The following ATP13A5 variants were observed in gnomAD, a reference collection of about 807,000 sequenced individuals.
ATP13A5 encodes the protein ATPase 13A5, also known as probable cation-transporting ATPase 13A5.
In ATP13A5, 149 loss-of-function variants were observed where a neutral mutation model predicts 150.2. The observed-to-expected ratio is 0.99, with a 90% CI of 0.87 to 1.14. The LOEUF (loss-of-function observed/expected upper bound fraction) is 1.14, where lower values mean the gene tolerates loss of function less well. ATP13A5 is among the 50% of genes most tolerant of loss of function. ATP13A5 has a pLI of 0.00. For synonymous variants in ATP13A5, 497 were observed against 522.2 expected, an observed-to-expected ratio of 0.95 and a Z score of 0.66; for missense variants, 1,383 against 1,449.3, an observed-to-expected ratio of 0.95 and a Z score of 0.74.
At position 193,319,032 on chromosome 3, in the gene ATP13A5, G is replaced by A. The variant is rs1319341152; in HGVS notation, c.1992C>T (p.Thr664=). The A allele has an allele frequency of 6.2e-7, 1 of 1,613,914 alleles. No individual in the cohort carries two copies. Among genetic ancestry groups the A allele is most frequent in the African/African-American group, 1.3e-5 (1 of 75,032 alleles). ...CTTCTGAAAGATTCCCCATCTTTAA[G>A]GTTTTGTGGGCAAGAGCAATGACAC... ...GFRVIALAHK[T]LKMGNLSEVE... Residue 664 remains threonine, a synonymous_variant, in exon 17 of 30, where the codon ACC becomes ACT. Transcript: ENST00000342358.
chr3:193,373,775 A>C (rs1713536416), intron 1 of ATP13A5, among the ~76,000 whole-genome samples: 1 of 152,190 alleles, frequency 6.6e-6, no homozygotes, highest in African/African-American at 2.4e-5. Flanking sequence ...CATGATTAGC[A>C]GCTGAGCCTA....
intron 28 of ATP13A5, chr3:193,277,564 C>T (rs768864503): frequency 3.3e-5 from 5 of 152,214 alleles, no homozygotes; most frequent in African/African-American, 7.2e-5. Context: ...TATCTAAATG[C>T]TTATCCCTAA....
chr3:193,303,082 T>C (rs993358939), intron 23 of ATP13A5, among the ~76,000 whole-genome samples: 2 of 152,210 alleles, frequency 1.3e-5, no homozygotes, highest in Non-Finnish European at 1.5e-5. Flanking sequence ...CACTTTGCAC[T>C]GTTATCCAGG....
chr3:193,351,256 A>C, intron 6 of ATP13A5, 55 bp from the exon 7 acceptor site: 1 of 1,588,662 alleles, frequency 6.3e-7, no homozygotes, highest in East Asian at 2.2e-5. Context: ...GTAGCAATCA[A>C]GAAGATGTCA....
In ATP13A5 at chr3:193,364,253, C is replaced by G. The variant is rs1335554687; in HGVS notation, c.91G>C (p.Val31Leu). 4 of 1,613,770 alleles carry G rather than the reference C, an allele frequency of 2.5e-6. No homozygotes were observed. Among genetic ancestry groups the G allele is most frequent in the Non-Finnish European group, 3.4e-6 (4 of 1,179,824 alleles). ...GCGACAAGGCAGAAGGCTTTCCGTACATTGTGGTCCCGGTAACCAAACACC... is the reference window on the plus strand; with the variant it reads ...GCGACAAGGCAGAAGGCTTTCCGTAGATTGTGGTCCCGGTAACCAAACACC... The part of the protein sequence containing the change: ...LEVFGYRDHN[V>L]RKAFCLVASV... The change falls in exon 2 of 30, where the codon GTA becomes CTA. Residue 31 changes from valine to leucine, a missense_variant. Val to Leu is a conservative substitution (Grantham distance 32). Around this residue, in one of 3 missense-constraint regions of ATP13A5, gnomAD observed 787 missense variants for 771.9 expected, o/e 1.02. Transcript: ENST00000342358.
intron 25 of ATP13A5, among the ~76,000 whole-genome samples, chr3:193,298,488 A>G (rs1718262765): frequency 6.6e-6 from 1 of 152,080 alleles, no homozygotes; most frequent in East Asian, 1.9e-4. Context: ...ACATTGCCTG[A>G]TGTTTTATCT....
rs140046268 is a variant in ATP13A5 at position 193,327,654 on chromosome 3, A to T, written c.1462-597T>A. 6.1e-3 allele frequency among the ~76,000 whole-genome samples: 932 copies of T among 152,344 alleles called. 10 individuals carry two copies. The highest frequency in any genetic ancestry group is 0.021 in the African/African-American group (880 of 41,562). On this transcript the variant is annotated intron_variant, in intron 12 of 29. Coordinates refer to ENST00000342358, the MANE Select transcript of ATP13A5 (RefSeq NM_198505.4). ...TTAGATCAAGGGAAAAATAGTTCAG[A>T]GATTTGATTCGCCATACTATGGGAG... is the stretch of plus-strand genomic sequence containing the variant.
intron 28 of ATP13A5, among the ~76,000 whole-genome samples, chr3:193,277,950 C>T (rs1484420201): frequency 6.6e-6 from 1 of 152,140 alleles, no homozygotes; most frequent in African/African-American, 2.4e-5. Flanking sequence ...AATACAGGCA[C>T]CTGCCACGAC....
intron 21 of ATP13A5, among the ~76,000 whole-genome samples, chr3:193,309,740 G>A (rs534032382): frequency 5.2e-4 from 79 of 152,276 alleles, no homozygotes; most frequent in Non-Finnish European, 2.8e-4. Context: ...GCTTCTGTCC[G>A]CTAGCCAGTG....
Position 193,343,966 on chromosome 3 carries a change from T to C in ATP13A5, c.904A>G (p.Ile302Val), listed in dbSNP as rs1560142644. The change falls in exon 9 of 30, where the codon ATT (isoleucine) becomes GTT (valine). Residue 302 changes from isoleucine to valine, a missense_variant. Physicochemically the swap from Ile to Val is conservative, Grantham distance 29. Around this residue, in one of 3 missense-constraint regions of ATP13A5, gnomAD observed 787 missense variants for 771.9 expected, o/e 1.02. Coordinates refer to ENST00000342358, the MANE Select transcript of ATP13A5 (RefSeq NM_198505.4). ...KFSLPCDAVLIDGSCVVNEGM... is the reference protein window; with the variant it reads ...KFSLPCDAVLVDGSCVVNEGM... ...TCATTCACCACGCAGCTTCCATCAA[T>C]CAAAACAGCATCACATGGCAATGAA... 1 of 1,613,298 alleles carries C rather than the reference T, an allele frequency of 6.2e-7. No individual in the cohort carries two copies. The highest frequency in any genetic ancestry group is 8.5e-7 in the Non-Finnish European group (1 of 1,179,538).
chr3:193,318,557 C>A (rs1354495643), intron 17 of ATP13A5, among the ~76,000 whole-genome samples: 3 of 152,136 alleles, frequency 2.0e-5, no homozygotes, highest in Non-Finnish European at 4.4e-5. Flanking sequence ...ACTGAAAAAA[C>A]CACGTCTAAA....
intron 22 of ATP13A5, among the ~76,000 whole-genome samples, chr3:193,306,466 AC>A (rs754864604): frequency 1.6e-4 from 24 of 152,316 alleles, no homozygotes; most frequent in Non-Finnish European, 2.9e-4. Flanking sequence ...TTCTCATGAA[AC>A]ATAAAGCAAA....
rs770871728 is a variant in ATP13A5 at position 193,331,216 on chromosome 3, A to G, written c.1368T>C (p.Tyr456=). The G allele has an allele frequency of 5.0e-6, 8 of 1,614,110 alleles. No individual in the cohort carries two copies. The highest frequency in any genetic ancestry group is 6.8e-6 in the Non-Finnish European group (8 of 1,179,974). ...LPAALTIGNV[Y]AQKRLKKKKI... is the part of the protein sequence containing the mutation. ...TCTTTTTCTTCAGTCTCTTCTGAGCATACACGTTGCCTATGGTCAGGGCAG... is the reference window on the plus strand; with the variant it reads ...TCTTTTTCTTCAGTCTCTTCTGAGCGTACACGTTGCCTATGGTCAGGGCAG... Residue 456 remains tyrosine (Y), a synonymous_variant, in exon 12 of 30, where the codon TAT becomes TAC. Coordinates refer to ENST00000342358, the MANE Select transcript of ATP13A5 (RefSeq NM_198505.4).
At chr3:193,364,403 T>G in intron 1 of ATP13A5, 123 bp from the exon 2 acceptor site, 1 of 1,215,064 alleles carries the variant, frequency 8.2e-7, no homozygotes, top group Non-Finnish European at 1.1e-6. Context: ...TGGTTATAGG[T>G]GGTTAAATCA....
At chr3:193,357,377 G>A (rs953565519) in intron 5 of ATP13A5, among the ~76,000 whole-genome samples, 4 of 152,024 alleles carry the variant, frequency 2.6e-5, no homozygotes, top group Admixed American at 6.5e-5. Context: ...TCCTCTTTAC[G>A]GTTCATCTGA....
intron 1 of ATP13A5, among the ~76,000 whole-genome samples, chr3:193,369,070 G>T (rs576123426): frequency 2.0e-5 from 3 of 151,888 alleles, no homozygotes; most frequent in South Asian, 2.1e-4. Context: ...ATAGAAATAC[G>T]CTGTCTCTAC....
rs182222975 is a variant in ATP13A5, at chr3:193,350,621, C to A, written c.741+446G>T. On this transcript the variant is annotated intron_variant, in intron 7 of 29. Coordinates refer to ENST00000342358, the MANE Select transcript of ATP13A5 (RefSeq NM_198505.4). ...TTATAAAGGACTTCTAAGAGGGAGA[C>A]TAAAATTTTTCAAAGACAATTAAAT... is the stretch of plus-strand genomic sequence containing the variant. Among the ~76,000 whole-genome samples, 9 of 152,148 alleles carry A rather than the reference C, an allele frequency of 5.9e-5. No individual in the cohort carries two copies. In the East Asian group the frequency reaches 1.7e-3, roughly 29 times the overall value.
Position 193,279,395 on chromosome 3 carries a change from C to A in ATP13A5, c.3286G>T (p.Asp1096Tyr). 6.2e-7 allele frequency: 1 copy of A among 1,613,794 alleles called. No individual in the cohort carries two copies. The highest frequency in any genetic ancestry group is 1.1e-5 in the South Asian group (1 of 91,054). Residue 1096 changes from aspartate (D) to tyrosine (Y), a missense_variant, in exon 28 of 30, where the codon GAC becomes TAC. Transcript: ENST00000342358. The part of the protein sequence containing the change: ...LGLTIFILFS[D>Y]FQVIYRGMEL... ...ATTCCACGGTATATAACTTGAAAGT[C>A]AGAAAACAGAATGAAAATTGTGAGG...
At chr3:193,358,943 A>C (rs1712896024) in intron 5 of ATP13A5, among the ~76,000 whole-genome samples, 1 of 152,152 alleles carries the variant, frequency 6.6e-6, no homozygotes, top group Admixed American at 6.5e-5. Flanking sequence ...AAGGCAGTAG[A>C]GTTAAGTGGT....
Sources: gnomAD v4.1 joint callset for allele counts (sites outside exome capture counted in the v4.1 genomes callset) on GRCh38, gnomAD v4.1.1 for gene constraint, gnomAD v4.1.1 regional missense constraint, MANE v1.5 for transcripts, NCBI Gene and HGNC (gene_info 2026-07-23, HGNC 2026-07-21) for gene names.